SHOC1: variants seen among roughly 807,000 people sequenced by gnomAD.
The protein encoded by SHOC1 is protein shortage in chiasmata 1 ortholog.
SHOC1 carries 136 observed loss-of-function variants against 179.2 expected under a neutral mutation model. That is an observed-to-expected ratio of 0.76 (90% CI 0.66 to 0.87). The LOEUF (loss-of-function observed/expected upper bound fraction) is 0.87, where lower values mean the gene tolerates loss of function less well. SHOC1 is among the 40% of genes least tolerant of loss of function. The pLI is 0.00. For missense variants in SHOC1, 1,538 were observed against 1,700.8 expected (o/e 0.90, Z 1.68); for synonymous variants, 489 against 586.6 (o/e 0.83, Z 2.41).
chr9:111,716,667 A>T (rs1276698351), intron 16 of SHOC1, among the ~76,000 whole-genome samples: 1 of 152,190 alleles, frequency 6.6e-6, no homozygotes, highest in East Asian at 1.9e-4. Flanking sequence ...CTGGGATTAC[A>T]GGCGTGAGCC....
chr9:111,720,848 T>C (rs1431958930), intron 15 of SHOC1, among the ~76,000 whole-genome samples: 1 of 152,236 alleles, frequency 6.6e-6, no homozygotes, highest in African/African-American at 2.4e-5. Flanking sequence ...AAAACAGTAA[T>C]AAGAAGTGTC....
chr9:111,742,596 C>A (rs1302523679), intron 10 of SHOC1, among the ~76,000 whole-genome samples: 3 of 152,240 alleles, frequency 2.0e-5, no homozygotes, highest in Admixed American at 6.5e-5. Flanking sequence ...TTCATAAACC[C>A]CTTAATCTGT....
intron 14 of SHOC1, among the ~76,000 whole-genome samples, chr9:111,722,855 G>A (rs894060877): frequency 3.3e-5 from 5 of 152,118 alleles, no homozygotes; most frequent in Non-Finnish European, 5.9e-5. Flanking sequence ...AGGCTGGAGT[G>A]TAGTGGCGCC....
intron 10 of SHOC1, 37 bp from the exon 11 acceptor site, chr9:111,741,607 A>G: frequency 9.3e-7 from 1 of 1,071,242 alleles, no homozygotes; most frequent in Non-Finnish European, 1.4e-6. Context: ...CATTAATAAT[A>G]TTGAGTCTTT....
intron 15 of SHOC1, among the ~76,000 whole-genome samples, chr9:111,721,326 ATTCT>A (rs552421830): frequency 3.3e-5 from 5 of 151,848 alleles, no homozygotes; most frequent in Non-Finnish European, 7.4e-5. Flanking sequence ...CCTCACATAT[ATTCT>A]TTGTTTGTTT....
intron 27 of SHOC1, among the ~76,000 whole-genome samples, chr9:111,687,524 T>A (rs998968957): frequency 6.6e-6 from 1 of 152,198 alleles, no homozygotes; most frequent in Non-Finnish European, 1.5e-5. Context: ...CTAAATTCTC[T>A]TCTAACATTT....
intron 9 of SHOC1, among the ~76,000 whole-genome samples, chr9:111,747,069 T>A (rs1834323125): frequency 6.6e-6 from 1 of 152,162 alleles, no homozygotes. Flanking sequence ...ACAAACTGTA[T>A]TATAAAGAGT....
intron 2 of SHOC1, among the ~76,000 whole-genome samples, chr9:111,789,089 C>T (rs1193949063): frequency 1.3e-5 from 2 of 152,192 alleles, no homozygotes; most frequent in African/African-American, 4.8e-5. Context: ...TCTAATTTCT[C>T]ACATAATTCA....
chr9:111,760,791 TA>T (rs887073478), intron 5 of SHOC1, among the ~76,000 whole-genome samples: 1 of 150,986 alleles, frequency 6.6e-6, no homozygotes, highest in Admixed American at 6.6e-5. Context: ...AAAGGCAAGA[TA>T]AAAAACACTT....
At position 111,686,615 on chromosome 9, in the gene SHOC1, G is replaced by A. The variant is rs1260538386; in HGVS notation, c.*155C>T. On this transcript the variant is annotated 3_prime_UTR_variant, in exon 28 of 28. Transcript: ENST00000682961. Reference sequence around the variant, plus strand: ...AACTTACAAAGATGCAAACCATAGGGCAGAATACATATTATGAATATTTAA... The same window carrying A: ...AACTTACAAAGATGCAAACCATAGGACAGAATACATATTATGAATATTTAA... 124 of 546,718 alleles carry A rather than the reference G, an allele frequency of 2.3e-4. No homozygotes were observed. The highest frequency in any genetic ancestry group is 3.2e-4 in the Non-Finnish European group (99 of 304,804). 33.9% of individuals were successfully genotyped at this position (546,718 alleles called of 1,614,324 possible).
chr9:111,762,989 A>G (rs1281808587), intron 5 of SHOC1, among the ~76,000 whole-genome samples: 2 of 152,120 alleles, frequency 1.3e-5, no homozygotes, highest in Non-Finnish European at 2.9e-5. Context: ...GATAAATATG[A>G]TAACACTATA....
At chr9:111,689,446 C>G (rs891856651) in intron 27 of SHOC1, among the ~76,000 whole-genome samples, 11 of 151,128 alleles carry the variant, frequency 7.3e-5, no homozygotes, top group African/African-American at 2.7e-4. Context: ...TCATAGAGAT[C>G]CCATATATAC....
At chr9:111,759,095 T>A (rs2131571627) in intron 5 of SHOC1, 3 of 1,490,066 alleles carry the variant, frequency 2.0e-6, no homozygotes, top group Non-Finnish European at 2.7e-6. Flanking sequence ...AAAAGAGCTG[T>A]AACGGCTAAT....
intron 12 of SHOC1, among the ~76,000 whole-genome samples, chr9:111,729,519 T>C (rs1833468553): frequency 6.6e-6 from 1 of 152,242 alleles, no homozygotes; most frequent in Non-Finnish European, 1.5e-5. Flanking sequence ...TTTGCCACAC[T>C]GACTGACTTT....
chr9:111,791,979 G>A (rs946266047), intron 1 of SHOC1, among the ~76,000 whole-genome samples: 11 of 152,150 alleles, frequency 7.2e-5, no homozygotes, highest in Admixed American at 2.0e-4. Flanking sequence ...GCAGAACTCT[G>A]TGCTGAAACA....
intron 18 of SHOC1, among the ~76,000 whole-genome samples, chr9:111,708,831 T>TA (rs1832397265): frequency 6.6e-6 from 1 of 152,218 alleles, no homozygotes; most frequent in Non-Finnish European, 1.5e-5. Flanking sequence ...TTGGTAGACA[T>TA]AATTGATTCA....
At chr9:111,778,060 G>T (rs959030371) in intron 4 of SHOC1, among the ~76,000 whole-genome samples, 3 of 151,994 alleles carry the variant, frequency 2.0e-5, no homozygotes, top group African/African-American at 7.2e-5. Context: ...AGCAATAATT[G>T]GTACTACAGT....
chr9:111,724,520 T>TTTA (rs1471156035), intron 13 of SHOC1, among the ~76,000 whole-genome samples: 2 of 151,818 alleles, frequency 1.3e-5, no homozygotes, highest in South Asian at 2.1e-4. Flanking sequence ...ATTTTTTAAA[T>TTTA]TTATTATTAT....
chr9:111,695,111 T>C (rs1335442056), intron 24 of SHOC1, among the ~76,000 whole-genome samples: 2 of 152,168 alleles, frequency 1.3e-5, no homozygotes, highest in Non-Finnish European at 2.9e-5. Flanking sequence ...TTTTTCTGCT[T>C]TCATTTCTTT....
Sources: allele counts gnomAD v4.1 joint callset (sites outside exome capture counted in the v4.1 genomes callset), GRCh38; gene constraint gnomAD v4.1.1; transcripts MANE v1.5; gene names NCBI Gene and HGNC (gene_info 2026-07-23, HGNC 2026-07-21).